Variants in TXNRD1 observed in about 807,000 individuals in gnomAD.
TXNRD1 encodes the protein thioredoxin reductase 1, cytoplasmic.
A neutral mutation model predicts 80.3 loss-of-function variants in TXNRD1; 57 were observed. The ratio of observed to expected loss-of-function variants is 0.71; its 90% CI spans 0.57 to 0.89. The LOEUF (loss-of-function observed/expected upper bound fraction) is 0.89. TXNRD1 is among the 40% of genes least tolerant of loss of function. The pLI is 0.00. For missense variants in TXNRD1, 730 were observed against 803.0 expected, an observed-to-expected ratio of 0.91 and a Z score of 1.10; for synonymous variants, 291 against 285.2, an observed-to-expected ratio of 1.02 and a Z score of -0.20.
At chr12:104,254,644 A>AAAAAAAATATATATATATAT in intron 2 of TXNRD1, among the ~76,000 whole-genome samples, 8 of 93,634 alleles carry the variant, frequency 8.5e-5, no homozygotes, top group Middle Eastern at 6.3e-3. Context: ...AAAAAAAAAA[A>AAAAAAAATATATATATATAT]ATATATATAT....
chr12:104,256,958 G>A (rs573278468), intron 2 of TXNRD1, among the ~76,000 whole-genome samples: 1 of 147,050 alleles, frequency 6.8e-6, no homozygotes, highest in South Asian at 2.1e-4. Flanking sequence ...AGAATGAGAT[G>A]AGAATATATT....
chr12:104,339,038 G>C (rs2036237548), intron 15 of TXNRD1, 101 bp from the exon 16 acceptor site: 2 of 1,476,754 alleles, frequency 1.4e-6, no homozygotes, highest in Middle Eastern at 1.9e-4. Context: ...TTTTTGAGTT[G>C]GATTTTTAAG....
intron 16 of TXNRD1, chr12:104,345,994 G>T: frequency 1.6e-6 from 2 of 1,288,488 alleles, no homozygotes; most frequent in Non-Finnish European, 2.0e-6. Context: ...GTGTACGAAT[G>T]AAATCTGTCA....
Position 104,315,834 on chromosome 12 carries a change from C to A in TXNRD1, c.668C>A (p.Ala223Glu). Residue 223 changes from alanine to glutamate, a missense_variant, in exon 7 of 17, where the codon GCA (alanine) becomes GAA (glutamate). Physicochemically the swap from Ala to Glu is moderately radical, Grantham distance 107. Transcript: ENST00000525566. Reference protein sequence around the residue: ...GCIPKKLMHQAALLGQALQDS... With the variant: ...GCIPKKLMHQEALLGQALQDS... ...ATACCTAAAAAACTGATGCATCAAG[C>A]AGCTTTGTTAGGACAAGCCCTGCAA... is the stretch of plus-strand genomic sequence containing the variant. 1 of 1,612,584 alleles carries A rather than the reference C, an allele frequency of 6.2e-7. No individual in the cohort carries two copies. Among genetic ancestry groups the A allele is most frequent in the Non-Finnish European group, 8.5e-7 (1 of 1,179,002 alleles).
chr12:104,250,565 G>C lies in TXNRD1; in HGVS notation c.92-962G>C, dbSNP rs544110038. Among the ~76,000 whole-genome samples, 4 of 152,284 alleles carry C rather than the reference G, an allele frequency of 2.6e-5. No homozygotes were observed. In the South Asian group the frequency reaches 8.3e-4, roughly 32 times the overall value. Reference sequence around the variant, plus strand: ...GAAGTTGCATAACCTCTCTGAGTCTGTGTCCTTGTTTGTAAAATGGGGATG... The same window carrying C: ...GAAGTTGCATAACCTCTCTGAGTCTCTGTCCTTGTTTGTAAAATGGGGATG... On this transcript the variant is annotated intron_variant, in intron 1 of 16. Transcript: ENST00000525566.
rs369445410 is a variant in TXNRD1 at position 104,348,311 on chromosome 12, G to A, written c.1882-42G>A. On this transcript the variant is annotated intron_variant, in intron 16 of 16. Coordinates refer to ENST00000525566, the MANE Select transcript of TXNRD1 (RefSeq NM_001093771.3). ...TGAACTGTTCCCTGTTACCTCATTTGCTCAGGCATCTGAAGATGTTGTGCT... is the reference window on the plus strand; with the variant it reads ...TGAACTGTTCCCTGTTACCTCATTTACTCAGGCATCTGAAGATGTTGTGCT... The A allele has an allele frequency of 7.5e-6, 12 of 1,598,122 alleles. No individual in the cohort carries two copies. In the African/African-American group the frequency reaches 8.0e-5, roughly 11 times the overall value.
intron 4 of TXNRD1, among the ~76,000 whole-genome samples, chr12:104,292,458 A>C (rs2034258260): frequency 6.7e-6 from 1 of 148,750 alleles, no homozygotes; most frequent in Non-Finnish European, 1.5e-5. Context: ...GCATGAACTC[A>C]GCTCACTGCA....
At chr12:104,348,298 TGTTACC>T in intron 16 of TXNRD1, 49 bp from the exon 17 acceptor site, 1 of 1,558,706 alleles carries the variant, frequency 6.4e-7, no homozygotes, top group Non-Finnish European at 8.9e-7. Context: ...AACTGTTCCC[TGTTACC>T]TCATTTGCTC....
rs1421436430 is a variant in TXNRD1, at chr12:104,326,350, A to C, written c.1312A>C (p.Met438Leu). 13 of 1,584,848 alleles carry C rather than the reference A, an allele frequency of 8.2e-6. No homozygotes were observed. Among genetic ancestry groups the C allele is most frequent in the African/African-American group, 1.4e-5 (1 of 73,338 alleles). The change falls in exon 12 of 17, where the codon ATG becomes CTG. Residue 438 changes from methionine to leucine, a missense_variant. Physicochemically the swap from Met to Leu is conservative, Grantham distance 15 (BLOSUM62 2). Transcript: ENST00000525566. ...EIIEGEYNTV[M>L]LAIGRDACTR... ...TAATATATTAATAATTTTTCAGGTG[A>C]TGCTGGCAATAGGAAGAGATGCTTG...
intron 3 of TXNRD1, among the ~76,000 whole-genome samples, chr12:104,284,692 G>A (rs1246395546): frequency 6.6e-6 from 1 of 152,056 alleles, no homozygotes; most frequent in Non-Finnish European, 1.5e-5. Context: ...ATTATTATTA[G>A]GTATTTGGGG....
intron 4 of TXNRD1, among the ~76,000 whole-genome samples, chr12:104,300,440 C>T (rs141481833): frequency 2.2e-4 from 34 of 152,310 alleles, no homozygotes; most frequent in African/African-American, 7.5e-4. Flanking sequence ...AGTACCAGTG[C>T]GCTTCTTGCT....
intron 3 of TXNRD1, chr12:104,262,597 A>T (rs1180398507): frequency 6.6e-6 from 1 of 152,198 alleles, no homozygotes; most frequent in Non-Finnish European, 1.5e-5. Flanking sequence ...TGGGTATTTA[A>T]AAAGTCAGAA....
rs1401616597 is a variant in TXNRD1 at position 104,349,037 on chromosome 12, C to T, written c.*616C>T. The T allele has an allele frequency of 6.6e-6, 1 of 152,356 alleles. No homozygotes were observed. Among genetic ancestry groups the T allele is most frequent in the Non-Finnish European group, 1.5e-5 (1 of 68,144 alleles). The allele number at this position is 152,356 out of a possible 1,614,324, so 9.4% of individuals were successfully genotyped here. On this transcript the variant is annotated 3_prime_UTR_variant, in exon 17 of 17. Coordinates refer to ENST00000525566, the MANE Select transcript of TXNRD1 (RefSeq NM_001093771.3). ...CTCTCATATATTCCCAAAACAAGTACATCTGCGATCAACTCTAGCCAAATT... is the reference window on the plus strand; with the variant it reads ...CTCTCATATATTCCCAAAACAAGTATATCTGCGATCAACTCTAGCCAAATT...
chr12:104,309,389 A>G (rs1395658429), intron 4 of TXNRD1, among the ~76,000 whole-genome samples: 1 of 152,198 alleles, frequency 6.6e-6, no homozygotes, highest in East Asian at 1.9e-4. Context: ...ACAGAATTTC[A>G]GTAAGGAACG....
chr12:104,236,553 G>T (rs541198903), intron 1 of TXNRD1, among the ~76,000 whole-genome samples: 1 of 152,286 alleles, frequency 6.6e-6, no homozygotes, highest in South Asian at 2.1e-4. Context: ...ACTTTGGGAG[G>T]CTGAGATGGG....
intron 4 of TXNRD1, among the ~76,000 whole-genome samples, chr12:104,309,583 TAA>T (rs1454173554): frequency 1.3e-5 from 2 of 152,182 alleles, no homozygotes; most frequent in African/African-American, 4.8e-5. Flanking sequence ...GAGGTTGAGA[TAA>T]AAAATGATTG....
At chr12:104,314,246 G>A (rs1265442222) in intron 6 of TXNRD1, among the ~76,000 whole-genome samples, 3 of 152,170 alleles carry the variant, frequency 2.0e-5, no homozygotes, top group African/African-American at 7.2e-5. Flanking sequence ...ACTAATCAGA[G>A]CATATAAATG....
intron 1 of TXNRD1, among the ~76,000 whole-genome samples, chr12:104,219,367 A>G (rs147238668): frequency 6.6e-6 from 1 of 152,336 alleles, no homozygotes; most frequent in East Asian, 1.9e-4. Context: ...TCAAGAAACT[A>G]ATTTCTTAAT....
chr12:104,326,592 T>C (rs1201517732), intron 12 of TXNRD1, among the ~76,000 whole-genome samples, 169 bp downstream of exon 12: 2 of 147,394 alleles, frequency 1.4e-5, no homozygotes, highest in Non-Finnish European at 3.0e-5. Context: ...CAGCCTCCCA[T>C]GTAGCTGGGA....
Sources: allele counts gnomAD v4.1 joint callset (sites outside exome capture counted in the v4.1 genomes callset), GRCh38; gene constraint gnomAD v4.1.1; transcripts MANE v1.5; gene names NCBI Gene and HGNC (gene_info 2026-07-23, HGNC 2026-07-21).